The following CHRM3 variants were observed in gnomAD, a reference collection of about 807,000 sequenced individuals.
The protein encoded by CHRM3 is muscarinic acetylcholine receptor M3.
In CHRM3, 11 loss-of-function variants were observed where a neutral mutation model predicts 41.8. That is an observed-to-expected ratio of 0.26 (90% CI 0.17 to 0.44). The LOEUF is 0.44. Ranked by LOEUF, CHRM3 falls within the 20% of genes least tolerant of loss-of-function variation. The pLI is 1.00. For synonymous variants in CHRM3, 297 were observed against 301.4 expected, an observed-to-expected ratio of 0.99 and a Z score of 0.15; for missense variants, 571 against 745.4, an observed-to-expected ratio of 0.77 and a Z score of 2.72.
chr1:239,779,248 AG>A (rs1668332299), intron 5 of CHRM3, among the ~76,000 whole-genome samples: 1 of 152,180 alleles, frequency 6.6e-6, no homozygotes, highest in South Asian at 2.1e-4. Flanking sequence ...ACACATGCAC[AG>A]CCTCCCCTGT....
At chr1:239,643,961 T>G (rs1671493362) in intron 4 of CHRM3, among the ~76,000 whole-genome samples, 1 of 152,214 alleles carries the variant, frequency 6.6e-6, no homozygotes, top group Non-Finnish European at 1.5e-5. Context: ...TAAGAACAAG[T>G]AGATGATAGA....
intron 1 of CHRM3, among the ~76,000 whole-genome samples, chr1:239,423,566 G>C (rs993640826): frequency 3.9e-5 from 6 of 152,026 alleles, no homozygotes; most frequent in African/African-American, 1.5e-4. Context: ...TAACAACCAT[G>C]CATTATATAT....
At chr1:239,558,657 G>A (rs1019004590) in intron 3 of CHRM3, among the ~76,000 whole-genome samples, 8 of 152,138 alleles carry the variant, frequency 5.3e-5, no homozygotes, top group South Asian at 4.1e-4. Context: ...ACAGTCAAAC[G>A]TTCTAAGCTC....
Position 239,528,739 on chromosome 1 carries a change from A to G in CHRM3, c.-421-16902A>G, listed in dbSNP as rs548258538. On this transcript the variant is annotated intron_variant, in intron 2 of 6. Transcript: ENST00000676153. ...GAAACCCCGTCTCTACTAAAAATAC[A>G]TAAGTTAGCTGGGCATGGTGGCACA... 1.3e-4 allele frequency among the ~76,000 whole-genome samples: 20 copies of G among 152,254 alleles called. No homozygotes were observed. The South Asian group carries it at 3.1e-3, about 24-fold the overall frequency.
intron 5 of CHRM3, among the ~76,000 whole-genome samples, chr1:239,722,217 G>A (rs1270475430): frequency 6.6e-6 from 1 of 151,826 alleles, no homozygotes; most frequent in Admixed American, 6.6e-5. Flanking sequence ...ATGCTAAAGG[G>A]ATTGACTGAA....
At chr1:239,458,894 C>A (rs1030441548) in intron 1 of CHRM3, among the ~76,000 whole-genome samples, 4 of 151,934 alleles carry the variant, frequency 2.6e-5, no homozygotes, top group Non-Finnish European at 5.9e-5. Context: ...GAGACCCCCC[C>A]CCATCAGGGT....
intron 1 of CHRM3, among the ~76,000 whole-genome samples, chr1:239,490,267 C>A (rs1263718323): frequency 6.6e-6 from 1 of 152,064 alleles, no homozygotes; most frequent in African/African-American, 2.4e-5. Context: ...GTACATGTGG[C>A]AGTTGTGTAT....
intron 5 of CHRM3, among the ~76,000 whole-genome samples, chr1:239,790,281 G>A (rs1027365934): frequency 6.6e-6 from 1 of 152,164 alleles, no homozygotes; most frequent in African/African-American, 2.4e-5. Flanking sequence ...ATTTGGGAGG[G>A]ACCAGGGTAA....
At chr1:239,605,689 T>C (rs1666161810) in intron 3 of CHRM3, among the ~76,000 whole-genome samples, 1 of 152,176 alleles carries the variant, frequency 6.6e-6, no homozygotes, top group Non-Finnish European at 1.5e-5. Context: ...ATATCATTCA[T>C]TTAAAGTTGG....
chr1:239,725,313 C>G lies in CHRM3; in HGVS notation c.-147+47025C>G, dbSNP rs1486406350. On this transcript the variant is annotated intron_variant, in intron 5 of 6. Coordinates refer to ENST00000676153, the MANE Select transcript of CHRM3 (RefSeq NM_001375978.1). ...ATTGGTGAATTACTGACCATTTTTT[C>G]CCAAAATACTATGTTATCAATGAGT... Among the ~76,000 whole-genome samples the G allele has an allele frequency of 2.6e-5, 4 of 151,618 alleles. No homozygotes were observed. The East Asian group carries it at 5.8e-4, about 22-fold the overall frequency.
chr1:239,859,395 G>GTTT (rs370468669), intron 6 of CHRM3, among the ~76,000 whole-genome samples: 5 of 144,784 alleles, frequency 3.5e-5, no homozygotes, highest in African/African-American at 1.3e-4. Context: ...TTGTTGGCCT[G>GTTT]TTTTTTTTGT....
chr1:239,747,562 C>T (rs1344343652), intron 5 of CHRM3, among the ~76,000 whole-genome samples: 2 of 152,096 alleles, frequency 1.3e-5, no homozygotes, highest in African/African-American at 4.8e-5. Context: ...CTGTTCTTGC[C>T]CCTCTTTCCC....
chr1:239,805,486 G>C (rs963129876), intron 5 of CHRM3, among the ~76,000 whole-genome samples: 1 of 152,162 alleles, frequency 6.6e-6, no homozygotes, highest in Non-Finnish European at 1.5e-5. Context: ...GGAGGATTAA[G>C]AGAAGAGGGG....
chr1:239,397,362 A>C (rs1659573891), intron 1 of CHRM3, among the ~76,000 whole-genome samples: 1 of 152,200 alleles, frequency 6.6e-6, no homozygotes, highest in Non-Finnish European at 1.5e-5. Context: ...ATGAATATAA[A>C]TTTGAAATAA....
intron 5 of CHRM3, among the ~76,000 whole-genome samples, chr1:239,788,517 G>GCA (rs1669087163): frequency 6.6e-6 from 1 of 152,080 alleles, no homozygotes; most frequent in South Asian, 2.1e-4. Flanking sequence ...TGTAATCCCA[G>GCA]CACTTTGAGA....
At chr1:239,759,106 A>G (rs1363856442) in intron 5 of CHRM3, among the ~76,000 whole-genome samples, 1 of 151,212 alleles carries the variant, frequency 6.6e-6, no homozygotes, top group Admixed American at 6.6e-5. Context: ...GCAAAAAAGC[A>G]GGCATGAAAA....
intron 4 of CHRM3, among the ~76,000 whole-genome samples, chr1:239,654,104 G>A (rs894722864): frequency 5.3e-5 from 8 of 152,260 alleles, no homozygotes; most frequent in Middle Eastern, 3.4e-3. Context: ...TGGGACCACA[G>A]ATGTGAGCCA....
At chr1:239,605,532 CA>C (rs1312983817) in intron 3 of CHRM3, among the ~76,000 whole-genome samples, 5 of 152,100 alleles carry the variant, frequency 3.3e-5, no homozygotes, top group African/African-American at 1.2e-4. Context: ...CATGACTGTA[CA>C]GAAATGTTTA....
chr1:239,664,878 T>C (rs2149030756), intron 4 of CHRM3, among the ~76,000 whole-genome samples: 2 of 152,254 alleles, frequency 1.3e-5, no homozygotes, highest in Middle Eastern at 6.8e-3. Flanking sequence ...CTACTCTTGA[T>C]AGCGGCTTTG....
Sources: allele counts gnomAD v4.1 joint callset (sites outside exome capture counted in the v4.1 genomes callset), GRCh38; gene constraint gnomAD v4.1.1; transcripts MANE v1.5; gene names NCBI Gene and HGNC (gene_info 2026-07-23, HGNC 2026-07-21).